The following SNTG2 variants were observed in gnomAD, a reference collection of about 807,000 sequenced individuals.
SNTG2 encodes syntrophin gamma 2, also known as gamma-2-syntrophin.
In SNTG2, 74 loss-of-function variants were observed where a neutral mutation model predicts 70.9. The observed-to-expected ratio is 1.04, with a 90% confidence interval of 0.86 to 1.27. SNTG2 has a LOEUF of 1.27. Ranked by LOEUF, SNTG2 falls within the 50% of genes most tolerant of loss-of-function variation. The pLI is 0.00. For missense variants in SNTG2, 717 were observed against 690.7 expected (o/e 1.04, Z -0.43); for synonymous variants, 278 against 273.8 (o/e 1.02, Z -0.15).
chr2:1,326,876 TTATC>T (rs1468206525), intron 16 of SNTG2, among the ~76,000 whole-genome samples: 2 of 152,134 alleles, frequency 1.3e-5, no homozygotes, highest in Non-Finnish European at 2.9e-5. Context: ...ATCCTTCAGT[TTATC>T]TTTTTCTTTC....
intron 14 of SNTG2, among the ~76,000 whole-genome samples, chr2:1,276,435 C>T (rs892075943): frequency 2.0e-5 from 3 of 152,214 alleles, no homozygotes; most frequent in African/African-American, 4.8e-5. Flanking sequence ...GCTAAATCTA[C>T]TCTGCCTGTG....
At chr2:1,084,808 C>G (rs543333168) in intron 2 of SNTG2, among the ~76,000 whole-genome samples, 1 of 152,180 alleles carries the variant, frequency 6.6e-6, no homozygotes, top group Non-Finnish European at 1.5e-5. Flanking sequence ...CCAGAGAGGA[C>G]GATCACTGTG....
chr2:1,175,661 A>G (rs923258937), intron 8 of SNTG2, among the ~76,000 whole-genome samples: 1 of 152,160 alleles, frequency 6.6e-6, no homozygotes, highest in Non-Finnish European at 1.5e-5. Flanking sequence ...GGATTGTACA[A>G]TTCCATTTGT....
At chr2:1,139,467 C>G (rs1302118531) in intron 6 of SNTG2, among the ~76,000 whole-genome samples, 4 of 152,076 alleles carry the variant, frequency 2.6e-5, no homozygotes, top group African/African-American at 9.7e-5. Flanking sequence ...AACTCCTGAC[C>G]TCAGGTGATC....
At chr2:1,032,511 A>G (rs114570425) in intron 1 of SNTG2, among the ~76,000 whole-genome samples, 5,693 of 152,300 alleles carry the variant, frequency 0.037, 127 homozygotes, top group South Asian at 0.061. Context: ...GACACTTTCA[A>G]TTGTTCCCTA....
chr2:1,271,691 C>T (rs930924011), intron 14 of SNTG2, among the ~76,000 whole-genome samples: 3 of 152,126 alleles, frequency 2.0e-5, no homozygotes, highest in African/African-American at 7.2e-5. Context: ...GTGGAAGCAA[C>T]AAGCATTCAT....
Position 1,165,477 on chromosome 2 carries a change from G to A in SNTG2, c.412-71G>A, listed in dbSNP as rs1670644497. The A allele has an allele frequency of 2.9e-6, 4 of 1,379,194 alleles. No individual in the cohort carries two copies. In the South Asian group the frequency reaches 3.7e-5, roughly 13 times the overall value. The allele number at this position is 1,379,194 out of a possible 1,614,324, so 85.4% of individuals were successfully genotyped here. ...TCTTGGGAAACAGGAGAGGTAGAGA[G>A]ATTTTATTTTTTAATTCTGTGTCTG... On this transcript the variant is annotated intron_variant, in intron 6 of 16. Transcript: ENST00000308624.
At chr2:1,199,349 A>T (rs1291922097) in intron 8 of SNTG2, among the ~76,000 whole-genome samples, 11 of 151,862 alleles carry the variant, frequency 7.2e-5, no homozygotes, top group Admixed American at 7.2e-4. Flanking sequence ...TGATAAAAGT[A>T]CTCAAATTAG....
chr2:1,035,392 T>C (rs1661075452), intron 1 of SNTG2, among the ~76,000 whole-genome samples: 1 of 152,200 alleles, frequency 6.6e-6, no homozygotes, highest in African/African-American at 2.4e-5. Flanking sequence ...AGAATGAGTA[T>C]TATAAAATGT....
At chr2:1,267,628 G>C in intron 14 of SNTG2, 57 bp downstream of exon 14, 1 of 1,457,264 alleles carries the variant, frequency 6.9e-7, no homozygotes, top group Non-Finnish European at 9.6e-7. Flanking sequence ...CTGAGACATA[G>C]CATTGGGGAA....
At chr2:1,197,359 C>CA (rs749230454) in intron 8 of SNTG2, among the ~76,000 whole-genome samples, 26 of 147,628 alleles carry the variant, frequency 1.8e-4, no homozygotes, top group Admixed American at 4.1e-4. Context: ...AAGTCAAAAA[C>CA]AAAAAAAAGA....
intron 9 of SNTG2, among the ~76,000 whole-genome samples, chr2:1,225,991 A>G (rs546591519): frequency 5.9e-5 from 9 of 152,038 alleles, no homozygotes; most frequent in South Asian, 2.1e-4. Flanking sequence ...AATACCATTC[A>G]CTACACTGGA....
intron 16 of SNTG2, among the ~76,000 whole-genome samples, chr2:1,346,788 T>G (rs547668114): frequency 2.0e-5 from 3 of 152,186 alleles, no homozygotes; most frequent in Admixed American, 1.3e-4. Context: ...TGTGCACTGC[T>G]TCAGCCTGGA....
intron 6 of SNTG2, among the ~76,000 whole-genome samples, chr2:1,141,176 A>G (rs184759618): frequency 6.6e-6 from 1 of 152,340 alleles, no homozygotes; most frequent in Admixed American, 6.5e-5. Flanking sequence ...TTAGCAGAAG[A>G]AGGGGTTCCT....
chr2:1,206,686 T>C (rs765885376), intron 8 of SNTG2, among the ~76,000 whole-genome samples: 8 of 152,188 alleles, frequency 5.3e-5, no homozygotes, highest in Non-Finnish European at 1.0e-4. Flanking sequence ...GTCCACAGTC[T>C]GGAGCCAAAG....
chr2:1,321,698 T>C, intron 16 of SNTG2, among the ~76,000 whole-genome samples: 1 of 152,190 alleles, frequency 6.6e-6, no homozygotes, highest in Admixed American at 6.5e-5. Flanking sequence ...TCCCTGTGCA[T>C]GAACCAGGGG....
chr2:1,123,154 T>C (rs537057280), intron 4 of SNTG2, among the ~76,000 whole-genome samples: 82 of 152,082 alleles, frequency 5.4e-4, no homozygotes, highest in Non-Finnish European at 1.0e-3. Flanking sequence ...AAGTTATATA[T>C]AGATTCAGTG....
intron 7 of SNTG2, among the ~76,000 whole-genome samples, chr2:1,172,268 TTTC>T (rs1418842234): frequency 2.0e-5 from 3 of 152,190 alleles, no homozygotes; most frequent in Non-Finnish European, 4.4e-5. Context: ...CAAAGGCTCC[TTTC>T]TCAGTGTTGG....
At chr2:1,009,118 C>T (rs1376574571) in intron 1 of SNTG2, among the ~76,000 whole-genome samples, 2 of 152,244 alleles carry the variant, frequency 1.3e-5, no homozygotes, top group South Asian at 2.1e-4. Flanking sequence ...AAGGCAGTCA[C>T]GTCTGGTCCT....
Sources: gnomAD v4.1 joint callset for allele counts (sites outside exome capture counted in the v4.1 genomes callset) on GRCh38, gnomAD v4.1.1 for gene constraint, MANE v1.5 for transcripts, NCBI Gene and HGNC (gene_info 2026-07-23, HGNC 2026-07-21) for gene names.